Variants in EDEM1 observed in about 807,000 individuals in gnomAD.
The protein encoded by EDEM1 is ER degradation enhancing alpha-mannosidase like protein 1.
A neutral mutation model predicts 74.4 loss-of-function variants in EDEM1; 67 were observed. The ratio of observed to expected loss-of-function variants is 0.90; its 90% CI spans 0.74 to 1.10. The LOEUF is 1.10. EDEM1 is among the 50% of genes least tolerant of loss of function. The pLI is 0.00. For synonymous variants in EDEM1, 382 were observed against 335.9 expected, an observed-to-expected ratio of 1.14 and a Z score of -1.50; for missense variants, 926 against 851.6, an observed-to-expected ratio of 1.09 and a Z score of -1.09.
chr3:5,200,855 T>C (rs1017219612), intron 3 of EDEM1, among the ~76,000 whole-genome samples: 11 of 151,596 alleles, frequency 7.3e-5, no homozygotes, highest in Admixed American at 2.6e-4. Flanking sequence ...ATTTGTTGTC[T>C]TACCTTTCTC....
chr3:5,190,498 G>A (rs1413477130), intron 1 of EDEM1, among the ~76,000 whole-genome samples: 1 of 152,202 alleles, frequency 6.6e-6, no homozygotes, highest in Non-Finnish European at 1.5e-5. Flanking sequence ...GTGAGGTGGT[G>A]GTTGATTTAA....
intron 2 of EDEM1, among the ~76,000 whole-genome samples, chr3:5,197,420 T>C (rs78007758): frequency 6.6e-6 from 1 of 152,168 alleles, no homozygotes; most frequent in African/African-American, 2.4e-5. Context: ...TTTCAAACAT[T>C]AGTGTGATTT....
rs2055292340 is a variant in EDEM1, at chr3:5,219,844, A to G, written c.*3926A>G. The G allele has an allele frequency of 6.6e-6, 1 of 152,630 alleles. No individual in the cohort carries two copies. The highest frequency in any genetic ancestry group is 2.1e-4 in the South Asian group (1 of 4,832). 9.5% of individuals were successfully genotyped at this position (152,630 alleles called of 1,614,324 possible). The stretch of plus-strand genomic sequence containing the variant: ...AAGAAATGTATTTAAATTAAAAGGG[A>G]TCTTTTTGTAAAAGGACCAAATGTT... On this transcript the variant is annotated 3_prime_UTR_variant, in exon 12 of 12. Coordinates refer to ENST00000256497, the MANE Select transcript of EDEM1 (RefSeq NM_014674.3).
Position 5,192,075 on chromosome 3 carries a change from G to C in EDEM1, c.510-3134G>C, listed in dbSNP as rs530910573. 7.9e-5 allele frequency among the ~76,000 whole-genome samples: 12 copies of C among 152,326 alleles called. No homozygotes were observed. In the South Asian group the frequency reaches 2.5e-3, roughly 32 times the overall value. On this transcript the variant is annotated intron_variant, in intron 1 of 11. Coordinates refer to ENST00000256497, the MANE Select transcript of EDEM1 (RefSeq NM_014674.3). ...CTCTGCATTCCTCTTTCTTTGGAAA[G>C]TCCTGCCCTCTTTCAGAGTCAGGCT... is the stretch of plus-strand genomic sequence containing the variant.
chr3:5,190,226 T>C (rs2054885290), intron 1 of EDEM1, among the ~76,000 whole-genome samples: 1 of 152,232 alleles, frequency 6.6e-6, no homozygotes, highest in African/African-American at 2.4e-5. Context: ...GATCTTAATT[T>C]GTGCTTTTCC....
Position 5,187,809 on chromosome 3 carries a change from C to G in EDEM1, c.4C>G (p.Gln2Glu). MQWRALVLGLVL... is the reference protein window; with the variant it reads MEWRALVLGLVL... ...TGCCCGCGGCGCCCGCGCGACCATGCAATGGCGAGCGCTCGTCCTGGGGCT... is the reference window on the plus strand; with the variant it reads ...TGCCCGCGGCGCCCGCGCGACCATGGAATGGCGAGCGCTCGTCCTGGGGCT... Residue 2 changes from glutamine (Q) to glutamate (E), a missense_variant, in exon 1 of 12, where the codon CAA (glutamine) becomes GAA (glutamate). Gln to Glu is a conservative substitution (Grantham distance 29). Transcript: ENST00000256497. The G allele has an allele frequency of 6.3e-7, 1 of 1,577,766 alleles. No homozygotes were observed. Among genetic ancestry groups the G allele is most frequent in the South Asian group, 1.1e-5 (1 of 87,734 alleles).
rs993420075 is a variant in EDEM1, at chr3:5,218,791, C to T, written c.*2873C>T. On this transcript the variant is annotated 3_prime_UTR_variant, in exon 12 of 12. Transcript: ENST00000256497. ...TGGCAAGGGAGGGTTTGCTAGCTCT[C>T]CATTTGCACTGGCCATTGTGAAAAA... The T allele has an allele frequency of 2.0e-5, 3 of 152,168 alleles. No individual in the cohort carries two copies. The highest frequency in any genetic ancestry group is 4.4e-5 in the Non-Finnish European group (3 of 68,042). 9.4% of individuals were successfully genotyped at this position (152,168 alleles called of 1,614,324 possible). A position where few individuals can be genotyped will look rare whatever the true frequency, so the allele number is the denominator to read the frequency against.
At chr3:5,188,996 C>G (rs565490960) in intron 1 of EDEM1, among the ~76,000 whole-genome samples, 2 of 152,114 alleles carry the variant, frequency 1.3e-5, no homozygotes, top group Non-Finnish European at 2.9e-5. Context: ...TCGCCCTGTA[C>G]GATCTGTCTA....
chr3:5,208,284 T>C, intron 8 of EDEM1, 21 bp downstream of exon 8: 4 of 1,600,404 alleles, frequency 2.5e-6, no homozygotes, highest in Non-Finnish European at 3.4e-6. Flanking sequence ...TGTGTTTTTT[T>C]TTTTTTCCTT....
intron 1 of EDEM1, among the ~76,000 whole-genome samples, chr3:5,191,177 C>T (rs948116204): frequency 4.6e-5 from 7 of 152,108 alleles, no homozygotes; most frequent in African/African-American, 1.7e-4. Flanking sequence ...CAGGAGGGTA[C>T]TTCACATCCC....
At chr3:5,212,412 C>A (rs769691424) in intron 10 of EDEM1, among the ~76,000 whole-genome samples, 1 of 152,186 alleles carries the variant, frequency 6.6e-6, no homozygotes, top group Non-Finnish European at 1.5e-5. Context: ...CAGAGCCTAG[C>A]TACATATTTC....
chr3:5,208,511 T>A (rs2055127068), intron 8 of EDEM1, among the ~76,000 whole-genome samples: 1 of 152,148 alleles, frequency 6.6e-6, no homozygotes, highest in African/African-American at 2.4e-5. Flanking sequence ...GTTTTTACCG[T>A]AGGACTTATA....
rs1239570565 is a variant in EDEM1 at position 5,218,829 on chromosome 3, TTC to T, written c.*2912_*2913del. On this transcript the variant is annotated 3_prime_UTR_variant, in exon 12 of 12. Transcript: ENST00000256497. ...CCATTGTGAAAAACCAGCTTCTGTA[TTC>T]AAATCTTTCCTTCATTTTTTTAAAT... is the stretch of plus-strand genomic sequence containing the variant. 2 of 152,198 alleles carry T rather than the reference TTC, an allele frequency of 1.3e-5. No individual in the cohort carries two copies. The highest frequency in any genetic ancestry group is 2.9e-5 in the Non-Finnish European group (2 of 68,036). The allele number at this position is 152,198 out of a possible 1,614,324, so 9.4% of individuals were successfully genotyped here. A position where few individuals can be genotyped will look rare whatever the true frequency, so the allele number is the denominator to read the frequency against.
intron 1 of EDEM1, 87 bp downstream of exon 1, chr3:5,188,401 C>T (rs2054856510): frequency 4.6e-6 from 6 of 1,293,078 alleles, no homozygotes; most frequent in East Asian, 3.2e-5. Context: ...TCCTCCGGGG[C>T]CCCCGAGGGC....
At chr3:5,199,721 G>C (rs367844319) in intron 3 of EDEM1, 26 bp downstream of exon 3, 29 of 1,574,434 alleles carry the variant, frequency 1.8e-5, no homozygotes, top group Non-Finnish European at 2.4e-5. Context: ...TTCATAAAAT[G>C]AATTGGAGAC....
In EDEM1 at chr3:5,199,043, C is replaced by T. The variant is rs79465897; in HGVS notation, c.583-549C>T. Among the ~76,000 whole-genome samples, 1,320 of 152,268 alleles carry T rather than the reference C, an allele frequency of 8.7e-3. 11 individuals are homozygous for T. The highest frequency in any genetic ancestry group is 0.037 in the Middle Eastern group (11 of 294). The stretch of plus-strand genomic sequence containing the variant: ...TTCATATGTTTTGTTTCTTTTAAAT[C>T]AGTCACTGGTTTTATCCTGTGCTCC... On this transcript the variant is annotated intron_variant, in intron 2 of 11. Coordinates refer to ENST00000256497, the MANE Select transcript of EDEM1 (RefSeq NM_014674.3).
intron 2 of EDEM1, among the ~76,000 whole-genome samples, chr3:5,197,082 T>TGG (rs1202061739): frequency 2.1e-4 from 25 of 120,024 alleles, no homozygotes; most frequent in African/African-American, 7.8e-4. Context: ...TTTTTTTTTT[T>TGG]CCCCATTTTG....
In EDEM1 at chr3:5,216,570, C is replaced by G. The variant is rs2055240041; in HGVS notation, c.*652C>G. 2 of 152,352 alleles carry G rather than the reference C, an allele frequency of 1.3e-5. No individual in the cohort carries two copies. The highest frequency in any genetic ancestry group is 2.9e-5 in the Non-Finnish European group (2 of 68,034). The allele number at this position is 152,352 out of a possible 1,614,324, so 9.4% of individuals were successfully genotyped here. A position where few individuals can be genotyped will look rare whatever the true frequency, so the allele number is the denominator to read the frequency against. ...ATTGGGGTCTTCCCCTGATATCCAA[C>G]CGTGATTTTGGATCACATGGGAGAA... On this transcript the variant is annotated 3_prime_UTR_variant, in exon 12 of 12. Coordinates refer to ENST00000256497, the MANE Select transcript of EDEM1 (RefSeq NM_014674.3).
At chr3:5,188,745 G>T (rs775205704) in intron 1 of EDEM1, among the ~76,000 whole-genome samples, 1 of 152,110 alleles carries the variant, frequency 6.6e-6, no homozygotes, top group African/African-American at 2.4e-5. Flanking sequence ...CCTTTACCTC[G>T]CACCCCCACC....
Sources: gnomAD v4.1 joint callset for allele counts (sites outside exome capture counted in the v4.1 genomes callset) on GRCh38, gnomAD v4.1.1 for gene constraint, MANE v1.5 for transcripts, NCBI Gene and HGNC (gene_info 2026-07-23, HGNC 2026-07-21) for gene names.